The following CDH13 variants were observed in gnomAD, a reference collection of about 807,000 sequenced individuals.
The protein encoded by CDH13 is cadherin-13.
In CDH13, 24 loss-of-function variants were observed where a neutral mutation model predicts 63.8. The ratio of observed to expected loss-of-function variants is 0.38; its 90% CI spans 0.27 to 0.53. The LOEUF (loss-of-function observed/expected upper bound fraction) is 0.53, where lower values mean the gene tolerates loss of function less well. CDH13 is among the 20% of genes least tolerant of loss of function. The pLI, the probability that CDH13 is intolerant of heterozygous loss-of-function variation, is 0.85. For missense variants in CDH13, 1,049 were observed against 903.1 expected (o/e 1.16, Z -2.07); for synonymous variants, 503 against 355.3 (o/e 1.42, Z -4.67).
At chr16:83,606,138 G>A (rs887459497) in intron 8 of CDH13, among the ~76,000 whole-genome samples, 2 of 152,182 alleles carry the variant, frequency 1.3e-5, no homozygotes, top group African/African-American at 4.8e-5. Flanking sequence ...TCAAGGTTTA[G>A]TCATTCCAAA....
At chr16:83,751,392 C>G (rs1423567600) in intron 11 of CDH13, among the ~76,000 whole-genome samples, 1 of 151,864 alleles carries the variant, frequency 6.6e-6, no homozygotes, top group Non-Finnish European at 1.5e-5. Context: ...GTCAGGAGTT[C>G]AAGACCAGCC....
chr16:82,950,197 C>T (rs561584313), intron 2 of CDH13, among the ~76,000 whole-genome samples: 1 of 152,118 alleles, frequency 6.6e-6, no homozygotes, highest in Non-Finnish European at 1.5e-5. Context: ...GTTCATGCCT[C>T]TCTCAGCTTC....
At chr16:83,042,341 T>C (rs1482700087) in intron 3 of CDH13, among the ~76,000 whole-genome samples, 2 of 152,198 alleles carry the variant, frequency 1.3e-5, no homozygotes, top group African/African-American at 2.4e-5. Flanking sequence ...CAGATTCTCA[T>C]AGGAGTGTGA....
At chr16:82,866,221 C>T (rs894235664) in intron 2 of CDH13, among the ~76,000 whole-genome samples, 1 of 152,102 alleles carries the variant, frequency 6.6e-6, no homozygotes, top group Admixed American at 6.5e-5. Context: ...TTTCCCACAT[C>T]TTCCTGTCTT....
intron 7 of CDH13, among the ~76,000 whole-genome samples, chr16:83,547,700 T>C (rs1218221205): frequency 1.3e-5 from 2 of 152,236 alleles, no homozygotes; most frequent in African/African-American, 4.8e-5. Context: ...CAGTCTACAG[T>C]TGATGGGCAT....
At chr16:82,677,160 G>A (rs560202090) in intron 1 of CDH13, among the ~76,000 whole-genome samples, 2 of 152,328 alleles carry the variant, frequency 1.3e-5, no homozygotes, top group South Asian at 4.1e-4. Flanking sequence ...GGAATTATAG[G>A]AGTGAGCCAC....
chr16:83,785,079 T>G (rs1915788605), intron 13 of CDH13, among the ~76,000 whole-genome samples: 1 of 152,194 alleles, frequency 6.6e-6, no homozygotes, highest in Non-Finnish European at 1.5e-5. Flanking sequence ...TAGGAAACCT[T>G]GTCAAAGCAC....
intron 2 of CDH13, among the ~76,000 whole-genome samples, chr16:82,860,384 TGTGTG>T (rs1167684528): frequency 3.4e-5 from 1 of 29,562 alleles, no homozygotes; most frequent in African/African-American, 1.4e-4. Context: ...TGTGTGTGTG[TGTGTG>T]GGGGGGGGGG....
chr16:82,762,168 C>G (rs950167823), intron 1 of CDH13, among the ~76,000 whole-genome samples: 7 of 152,174 alleles, frequency 4.6e-5, no homozygotes, highest in African/African-American at 1.7e-4. Context: ...GCACATCGGA[C>G]TTCACCCTGC....
At position 82,944,293 on chromosome 16, in the gene CDH13, C is replaced by G. The variant is rs528600693; in HGVS notation, c.157+85820C>G. ...AGGCTTCTGGTATGACTTGCAGAGG[C>G]ATTGGTTAACCTGGTGGAAAATGGA... On this transcript the variant is annotated intron_variant, in intron 2 of 13. Coordinates refer to ENST00000567109, the MANE Select transcript of CDH13 (RefSeq NM_001257.5). Among the ~76,000 whole-genome samples the G allele has an allele frequency of 2.6e-5, 4 of 152,264 alleles. No homozygotes were observed. The South Asian group carries it at 8.3e-4, about 32-fold the overall frequency.
At chr16:83,295,397 C>G (rs1035224450) in intron 5 of CDH13, among the ~76,000 whole-genome samples, 2 of 152,022 alleles carry the variant, frequency 1.3e-5, no homozygotes, top group Non-Finnish European at 2.9e-5. Context: ...TAAAAAACTT[C>G]TGCACAGCAA....
chr16:83,384,093 C>T (rs1375856201), intron 6 of CDH13, among the ~76,000 whole-genome samples: 2 of 152,178 alleles, frequency 1.3e-5, no homozygotes, highest in African/African-American at 2.4e-5. Context: ...ATTGTTCATA[C>T]ATTAAATTTA....
At chr16:82,813,159 G>T (rs2037529274) in intron 1 of CDH13, among the ~76,000 whole-genome samples, 1 of 152,154 alleles carries the variant, frequency 6.6e-6, no homozygotes, top group South Asian at 2.1e-4. Flanking sequence ...GTGTTCAGTT[G>T]ATGTTTTTGG....
intron 6 of CDH13, among the ~76,000 whole-genome samples, chr16:83,412,682 A>C (rs1220075869): frequency 1.3e-5 from 2 of 152,130 alleles, no homozygotes; most frequent in Non-Finnish European, 2.9e-5. Context: ...CTCTGACAAG[A>C]ATGTATGCAC....
Position 82,842,091 on chromosome 16 carries a change from C to CATAT in CDH13, c.46-16254_46-16251dup, listed in dbSNP as rs1186963516. Among the ~76,000 whole-genome samples, 121 of 41,654 alleles carry CATAT rather than the reference C, an allele frequency of 2.9e-3. 2 individuals are homozygous for CATAT. Among genetic ancestry groups the CATAT allele is most frequent in the African/African-American group, 7.4e-3 (110 of 14,822 alleles). The allele number at this position is 41,654 out of a possible 152,430, so 27.3% of individuals were successfully genotyped here. A position where few individuals can be genotyped will look rare whatever the true frequency, so the allele number is the denominator to read the frequency against. On this transcript the variant is annotated intron_variant, in intron 1 of 13. Transcript: ENST00000567109. ...AAATCTGAGCCAGTCTTGCATTCTA[C>CATAT]ATATATATATATATATATATGTATA...
intron 4 of CDH13, among the ~76,000 whole-genome samples, chr16:83,158,583 A>G (rs2037314726): frequency 6.6e-6 from 1 of 152,200 alleles, no homozygotes; most frequent in Admixed American, 6.5e-5. Context: ...CGCACTGTTC[A>G]GAAAGTCGTG....
rs1172886205 is a variant in CDH13, at chr16:83,799,884, C to G, written c.*4854C>G. The G allele has an allele frequency of 6.6e-6, 1 of 152,038 alleles. No individual in the cohort carries two copies. Among genetic ancestry groups the G allele is most frequent in the Admixed American group, 6.6e-5 (1 of 15,260 alleles). 9.4% of individuals were successfully genotyped at this position (152,038 alleles called of 1,614,324 possible). A position where few individuals can be genotyped will look rare whatever the true frequency, so the allele number is the denominator to read the frequency against. ...AAAGCATATACAAGACATGGAGAGA[C>G]AGCAAAAAATGGTGGGAATGGGTGT... On this transcript the variant is annotated 3_prime_UTR_variant, in exon 14 of 14. Transcript: ENST00000567109.
At chr16:83,664,636 A>G (rs1353170893) in intron 8 of CDH13, among the ~76,000 whole-genome samples, 3 of 152,000 alleles carry the variant, frequency 2.0e-5, no homozygotes, top group African/African-American at 7.3e-5. Context: ...TAAGAACTTT[A>G]CTGTTTACAT....
intron 2 of CDH13, among the ~76,000 whole-genome samples, chr16:82,908,384 G>A (rs774141630): frequency 2.0e-5 from 3 of 152,080 alleles, no homozygotes; most frequent in Non-Finnish European, 2.9e-5. Flanking sequence ...ACACATGGTG[G>A]GTGCAGCTCA....
Sources: gnomAD v4.1 joint callset for allele counts (sites outside exome capture counted in the v4.1 genomes callset) on GRCh38, gnomAD v4.1.1 for gene constraint, MANE v1.5 for transcripts, NCBI Gene and HGNC (gene_info 2026-07-23, HGNC 2026-07-21) for gene names.